DLL4: variants seen among roughly 807,000 people sequenced by gnomAD.
DLL4 encodes delta-like protein 4.
A neutral mutation model predicts 73.6 loss-of-function variants in DLL4; 7 were observed. That is an observed-to-expected ratio of 0.10 (90% confidence interval 0.05 to 0.18). The LOEUF is 0.18. DLL4 is among the 10% of genes least tolerant of loss of function. The pLI, the probability that DLL4 is intolerant of heterozygous loss-of-function variation, is 1.00. For synonymous variants in DLL4, 345 were observed against 374.3 expected (o/e 0.92, Z 0.90); for missense variants, 614 against 929.9 (o/e 0.66, Z 4.42).
Position 40,934,949 on chromosome 15 carries a change from C to T in DLL4, c.1072C>T (p.His358Tyr). 2 of 1,613,774 alleles carry T rather than the reference C, an allele frequency of 1.2e-6. No homozygotes were observed. The highest frequency in any genetic ancestry group is 1.7e-6 in the Non-Finnish European group (2 of 1,179,886). The change falls in exon 8 of 11, where the codon CAT (histidine) becomes TAT (tyrosine). Residue 358 changes from histidine (H) to tyrosine (Y), a missense_variant. His to Tyr is a moderately conservative substitution (Grantham distance 83). Around this residue, in one of 3 missense-constraint regions of DLL4, gnomAD observed 386 missense variants for 541.3 expected, o/e 0.71. Coordinates refer to ENST00000249749, the MANE Select transcript of DLL4 (RefSeq NM_019074.4). ...CLCPPGYYGLHCEHSTLSCAD... is the reference protein window; with the variant it reads ...CLCPPGYYGLYCEHSTLSCAD... ...GTGTCCTCCGGGCTACTATGGCCTG[C>T]ATTGTGAACACAGCACCTTGAGCTG...
chr15:40,931,890 A>C, intron 4 of DLL4, 124 bp downstream of exon 4: 3 of 1,264,596 alleles, frequency 2.4e-6, no homozygotes, highest in Non-Finnish European at 3.3e-6. Context: ...GCTGGGCCTC[A>C]GGGATGCTGA....
Position 40,930,052 on chromosome 15 carries a change from T to C in DLL4, c.272T>C (p.Val91Ala). 6.2e-7 allele frequency: 1 copy of C among 1,612,798 alleles called. No homozygotes were observed. Among genetic ancestry groups the C allele is most frequent in the Non-Finnish European group, 8.5e-7 (1 of 1,179,658 alleles). ...GTATTGGGCACCAACTCCTTCGCTG[T>C]CCGGGACGACAGTAGCGGCGGGGGG... ...TPVLGTNSFA[V>A]RDDSSGGGRN... The change falls in exon 2 of 11, where the codon GTC (valine) becomes GCC (alanine). Residue 91 changes from valine (V) to alanine (A), a missense_variant. Val to Ala is a moderately conservative substitution (Grantham distance 64). Around this residue, in one of 3 missense-constraint regions of DLL4, gnomAD observed 227 missense variants for 370.8 expected, o/e 0.61. Coordinates refer to ENST00000249749, the MANE Select transcript of DLL4 (RefSeq NM_019074.4). The surrounding 1 kb of genome is among the most constrained non-coding windows in gnomAD (Gnocchi z 5.7).
In DLL4 at chr15:40,936,448, T is replaced by C. The variant is rs1253900417; in HGVS notation, c.1461T>C (p.Ser487=). ...VRTSIDACAS[S]PCFNRATCYT... ...CATCCATCGATGCCTGTGCCTCGAG[T>C]CCCTGCTTCAACAGGGCCACCTGCT... The change falls in exon 9 of 11, where the codon AGT becomes AGC. Residue 487 remains serine (S), a synonymous_variant. Transcript: ENST00000249749. The C allele has an allele frequency of 6.2e-7, 1 of 1,611,436 alleles. No individual in the cohort carries two copies. Among genetic ancestry groups the C allele is most frequent in the Admixed American group, 1.7e-5 (1 of 59,906 alleles).
Position 40,929,720 on chromosome 15 carries a change from G to T in DLL4, c.52G>T (p.Ala18Ser). Residue 18 changes from alanine (A) to serine (S), a missense_variant, in exon 1 of 11, where the codon GCA becomes TCA. Ala to Ser is a moderately conservative substitution (Grantham distance 99). This residue lies in a region of DLL4 where 227 missense variants were observed against 370.8 expected (regional missense o/e 0.61). Transcript: ENST00000249749. The surrounding 1 kb of genome is among the most constrained non-coding windows in gnomAD (Gnocchi z 7.1). ...TGGCTGGGCGCTACTGCTGCTGGTG[G>T]CACTTTGGCAGCAGGTAACACGTCC... ...ASGWALLLLV[A>S]LWQQRAAGSG... is the part of the protein sequence containing the mutation. The T allele has an allele frequency of 6.3e-7, 1 of 1,597,396 alleles. No homozygotes were observed. The highest frequency in any genetic ancestry group is 8.5e-7 in the Non-Finnish European group (1 of 1,176,960).
chr15:40,937,793 G>T (rs1009936622), intron 10 of DLL4, among the ~76,000 whole-genome samples: 3 of 152,170 alleles, frequency 2.0e-5, no homozygotes, highest in Non-Finnish European at 4.4e-5. Flanking sequence ...GATGGGTGAG[G>T]GGGCCCCTCA....
At position 40,938,851 on chromosome 15, in the gene DLL4, C is replaced by G. The variant is rs185900485; in HGVS notation, c.*817C>G. 2 of 152,578 alleles carry G rather than the reference C, an allele frequency of 1.3e-5. No individual in the cohort carries two copies. The highest frequency in any genetic ancestry group is 3.9e-4 in the East Asian group (2 of 5,182). 9.5% of individuals were successfully genotyped at this position (152,578 alleles called of 1,614,324 possible). ...TCCCTCAAGCCCATCTCCACAACCT[C>G]GAGCCTGGGCTCTGGTCCACTACTG... On this transcript the variant is annotated 3_prime_UTR_variant, in exon 11 of 11. Coordinates refer to ENST00000249749, the MANE Select transcript of DLL4 (RefSeq NM_019074.4).
Position 40,930,054 on chromosome 15 carries a change from C to A in DLL4, c.274C>A (p.Arg92=), listed in dbSNP as rs1363538415. ...PVLGTNSFAV[R]DDSSGGGRNP... ...ATTGGGCACCAACTCCTTCGCTGTC[C>A]GGGACGACAGTAGCGGCGGGGGGCG... Residue 92 remains arginine (R), a synonymous_variant, in exon 2 of 11, where the codon CGG becomes AGG. Transcript: ENST00000249749. This position sits in a 1 kb window ranked among gnomAD's most constrained non-coding sequence, Gnocchi z 5.7. 3 of 1,612,548 alleles carry A rather than the reference C, an allele frequency of 1.9e-6. No individual in the cohort carries two copies. Among genetic ancestry groups the A allele is most frequent in the Non-Finnish European group, 2.5e-6 (3 of 1,179,616 alleles).
chr15:40,930,688 T>C lies in DLL4; in HGVS notation c.394+6T>C. ...AGGAGACGACCTGCGGCCAGGTGAGTAGCTCGCTCCGCCACCACAGGGGGG... is the reference window on the plus strand; with the variant it reads ...AGGAGACGACCTGCGGCCAGGTGAGCAGCTCGCTCCGCCACCACAGGGGGG... On this transcript the variant is annotated splice_donor_region_variant and intron_variant, in intron 3 of 10. Coordinates refer to ENST00000249749, the MANE Select transcript of DLL4 (RefSeq NM_019074.4). This position sits in a 1 kb window ranked among gnomAD's most constrained non-coding sequence, Gnocchi z 5.7. 1.2e-6 allele frequency: 2 copies of C among 1,613,244 alleles called. No individual in the cohort carries two copies. The highest frequency in any genetic ancestry group is 1.7e-6 in the Non-Finnish European group (2 of 1,179,654).
In DLL4 at chr15:40,930,788, C is replaced by A; in HGVS notation, c.394+106C>A. On this transcript the variant is annotated intron_variant, in intron 3 of 10. Coordinates refer to ENST00000249749, the MANE Select transcript of DLL4 (RefSeq NM_019074.4). The surrounding 1 kb of genome is among the most constrained non-coding windows in gnomAD (Gnocchi z 5.7). The stretch of plus-strand genomic sequence containing the variant: ...GCGGGCTTGGGGGTGGGAGGCAGGA[C>A]GCTTAGCTTGGCCTGGAGCTGCGCC... 2 of 1,199,220 alleles carry A rather than the reference C, an allele frequency of 1.7e-6. No homozygotes were observed. The highest frequency in any genetic ancestry group is 2.4e-6 in the Non-Finnish European group (2 of 834,464). The allele number at this position is 1,199,220 out of a possible 1,614,324, so 74.3% of individuals were successfully genotyped here.
At chr15:40,934,769 A>G in intron 7 of DLL4, 52 bp downstream of exon 7, 1 of 1,596,924 alleles carries the variant, frequency 6.3e-7, no homozygotes, top group African/African-American at 1.3e-5. Context: ...GTGTCTGGGC[A>G]TCCCTAACCT....
chr15:40,929,696 G>C lies in DLL4; in HGVS notation c.28G>C (p.Gly10Arg). The C allele has an allele frequency of 6.3e-7, 1 of 1,583,944 alleles. No homozygotes were observed. Among genetic ancestry groups the C allele is most frequent in the Non-Finnish European group, 8.5e-7 (1 of 1,172,676 alleles). ...GGCGGCAGCGTCCCGGAGCGCCTCT[G>C]GCTGGGCGCTACTGCTGCTGGTGGC... MAAASRSAS[G>R]WALLLLVALW... The change falls in exon 1 of 11, where the codon GGC becomes CGC. Residue 10 changes from glycine to arginine, a missense_variant. Physicochemically the swap from Gly to Arg is moderately radical, Grantham distance 125. Coordinates refer to ENST00000249749, the MANE Select transcript of DLL4 (RefSeq NM_019074.4). The surrounding 1 kb of genome is among the most constrained non-coding windows in gnomAD (Gnocchi z 7.1).
rs1892751653 is a variant in DLL4, at chr15:40,930,518, A to G, written c.337-107A>G. The G allele has an allele frequency of 3.2e-6, 3 of 933,662 alleles. No homozygotes were observed. The highest frequency in any genetic ancestry group is 3.4e-6 in the Non-Finnish European group (2 of 587,054). 57.8% of individuals were successfully genotyped at this position (933,662 alleles called of 1,614,324 possible). A position where few individuals can be genotyped will look rare whatever the true frequency, so the allele number is the denominator to read the frequency against. Reference sequence around the variant, plus strand: ...CCCGTTATGTTGACCCGGGCGCAGTAACTGAATCCTGCAATTAGATTAATT... The same window carrying G: ...CCCGTTATGTTGACCCGGGCGCAGTGACTGAATCCTGCAATTAGATTAATT... On this transcript the variant is annotated intron_variant, in intron 2 of 10. Transcript: ENST00000249749. The surrounding 1 kb of genome is among the most constrained non-coding windows in gnomAD (Gnocchi z 5.7).
At chr15:40,933,143 G>C (rs1274644966) in intron 6 of DLL4, among the ~76,000 whole-genome samples, 1 of 152,246 alleles carries the variant, frequency 6.6e-6, no homozygotes, top group Admixed American at 6.5e-5. Context: ...TCAAATGGGT[G>C]CACCTGCTGC....
Position 40,935,000 on chromosome 15 carries a change from G to A in DLL4, c.1123G>A (p.Gly375Ser). 1 of 1,613,580 alleles carries A rather than the reference G, an allele frequency of 6.2e-7. No homozygotes were observed. The highest frequency in any genetic ancestry group is 8.5e-7 in the Non-Finnish European group (1 of 1,179,894). Residue 375 changes from glycine (G) to serine (S), a missense_variant, in exon 8 of 11, where the codon GGC becomes AGC. This residue lies in a region of DLL4 where 386 missense variants were observed against 541.3 expected (regional missense o/e 0.71). Transcript: ENST00000249749. ...SCADSPCFNGGSCRERNQGAN... is the reference protein window; with the variant it reads ...SCADSPCFNGSSCRERNQGAN... ...CGCCGACTCCCCCTGCTTCAATGGGGGCTCCTGCCGGGAGCGCAACCAGGG... is the reference window on the plus strand; with the variant it reads ...CGCCGACTCCCCCTGCTTCAATGGGAGCTCCTGCCGGGAGCGCAACCAGGG...
chr15:40,934,854 G>GC, intron 7 of DLL4, 44 bp from the exon 8 acceptor site: 1 of 1,599,260 alleles, frequency 6.3e-7, no homozygotes. Flanking sequence ...ACACATCCCT[G>GC]CCCCCCAGGG....
rs779993521 is a variant in DLL4 at position 40,937,499 on chromosome 15, G to A, written c.2025G>A (p.Glu675=). ...AGTCTGTGTGTTTGATATCAGAGGA[G>A]AGGAATGAATGTGTCATTGCCACGG... ...MYQSVCLISE[E]RNECVIATEV The change falls in exon 10 of 11, where the codon GAG becomes GAA. Residue 675 remains glutamate, a synonymous_variant. Transcript: ENST00000249749. 5.0e-6 allele frequency: 8 copies of A among 1,613,284 alleles called. No homozygotes were observed. Among genetic ancestry groups the A allele is most frequent in the African/African-American group, 2.7e-5 (2 of 74,932 alleles).
Position 40,929,645 on chromosome 15 carries a change from G to T in DLL4, c.-24G>T. 1.3e-6 allele frequency: 2 copies of T among 1,514,712 alleles called. No homozygotes were observed. Among genetic ancestry groups the T allele is most frequent in the Non-Finnish European group, 8.8e-7 (1 of 1,141,564 alleles). 93.8% of individuals were successfully genotyped at this position (1,514,712 alleles called of 1,614,324 possible). A position where few individuals can be genotyped will look rare whatever the true frequency, so the allele number is the denominator to read the frequency against. ...ACAGAGCCAGATTGAGGGCCCGCGG[G>T]TGGAGAGAGCGACGCCCGAGGGGAT... On this transcript the variant is annotated 5_prime_UTR_variant, in exon 1 of 11. Coordinates refer to ENST00000249749, the MANE Select transcript of DLL4 (RefSeq NM_019074.4). The surrounding 1 kb of genome is among the most constrained non-coding windows in gnomAD (Gnocchi z 7.1).
rs768375737 is a variant in DLL4 at position 40,936,709 on chromosome 15, C to T, written c.1722C>T (p.Phe574=). ...AAGCCATGAACAACTTGTCGGACTT[C>T]CAGAAGGACAACCTGATTCCTGCCG... ...SREAMNNLSD[F]QKDNLIPAAQ... is the part of the protein sequence containing the mutation. The change falls in exon 9 of 11, where the codon TTC becomes TTT. Residue 574 remains phenylalanine (F), a synonymous_variant. Coordinates refer to ENST00000249749, the MANE Select transcript of DLL4 (RefSeq NM_019074.4). The T allele has an allele frequency of 1.2e-6, 2 of 1,613,764 alleles. No homozygotes were observed. Among genetic ancestry groups the T allele is most frequent in the South Asian group, 2.2e-5 (2 of 91,080 alleles).
chr15:40,932,843 C>T (rs974938928), intron 6 of DLL4, among the ~76,000 whole-genome samples: 1 of 152,206 alleles, frequency 6.6e-6, no homozygotes, highest in African/African-American at 2.4e-5. Flanking sequence ...CAGCTCTCCC[C>T]TAAACAGCTG....
Sources: gnomAD v4.1 joint callset for allele counts (sites outside exome capture counted in the v4.1 genomes callset) on GRCh38, gnomAD v4.1.1 for gene constraint, gnomAD v4.1.1 regional missense constraint, Gnocchi (gnomAD v3.1) non-coding constraint, MANE v1.5 for transcripts, NCBI Gene and HGNC (gene_info 2026-07-23, HGNC 2026-07-21) for gene names.